Variants in MARCHF11 observed in about 807,000 individuals in gnomAD.
MARCHF11 encodes the protein membrane associated ring-CH-type finger 11.
In MARCHF11, 29 loss-of-function variants were observed where a neutral mutation model predicts 37.3. The observed-to-expected ratio is 0.78, with a 90% CI of 0.58 to 1.06. The LOEUF is 1.06. Ranked by LOEUF, MARCHF11 falls within the 50% of genes least tolerant of loss-of-function variation. MARCHF11 has a pLI of 0.00. For missense variants in MARCHF11, 482 were observed against 533.4 expected (o/e 0.90, Z 0.95); for synonymous variants, 233 against 228.0 (o/e 1.02, Z -0.20).
chr5:16,176,097 T>A (rs1186856529), intron 2 of MARCHF11, among the ~76,000 whole-genome samples: 1 of 68,224 alleles, frequency 1.5e-5, no homozygotes, highest in African/African-American at 7.4e-5. Flanking sequence ...GTAAATAGTA[T>A]TTTTTTTTTT....
At chr5:16,129,157 T>C (rs1441016836) in intron 2 of MARCHF11, 3 of 152,222 alleles carry the variant, frequency 2.0e-5, no homozygotes, top group African/African-American at 4.8e-5. Context: ...TCGTTCACTG[T>C]AGTTCATGCC....
intron 2 of MARCHF11, among the ~76,000 whole-genome samples, chr5:16,141,776 A>C (rs34667413): frequency 6.6e-6 from 1 of 152,202 alleles, no homozygotes; most frequent in Non-Finnish European, 1.5e-5. Context: ...AAAAACAAAA[A>C]CAAAAAACAC....
intron 2 of MARCHF11, among the ~76,000 whole-genome samples, chr5:16,150,688 A>G (rs1737875273): frequency 6.6e-6 from 1 of 151,748 alleles, no homozygotes; most frequent in South Asian, 2.1e-4. Flanking sequence ...CATGCCCTCC[A>G]CCTCTATTCC....
chr5:16,147,594 A>G (rs773495437), intron 2 of MARCHF11, among the ~76,000 whole-genome samples: 4 of 152,120 alleles, frequency 2.6e-5, no homozygotes, highest in Non-Finnish European at 5.9e-5. Flanking sequence ...CTCCTCTATG[A>G]GTAAAGAGGC....
At chr5:16,143,960 GT>G (rs1438633083) in intron 2 of MARCHF11, among the ~76,000 whole-genome samples, 1 of 152,182 alleles carries the variant, frequency 6.6e-6, no homozygotes. Context: ...GTCCCTAGCC[GT>G]GATGATGCTC....
At chr5:16,157,088 A>G (rs532328531) in intron 2 of MARCHF11, among the ~76,000 whole-genome samples, 1 of 152,050 alleles carries the variant, frequency 6.6e-6, no homozygotes, top group South Asian at 2.1e-4. Flanking sequence ...TTTGAAAAGA[A>G]ATCAATAAAA....
intron 2 of MARCHF11, among the ~76,000 whole-genome samples, chr5:16,113,073 C>T (rs1419910113): frequency 6.6e-6 from 1 of 152,062 alleles, no homozygotes; most frequent in Non-Finnish European, 1.5e-5. Context: ...TTATGGTACT[C>T]ATGATAGGAA....
At chr5:16,078,930 C>T (rs1259757045) in intron 3 of MARCHF11, among the ~76,000 whole-genome samples, 1 of 152,074 alleles carries the variant, frequency 6.6e-6, no homozygotes, top group East Asian at 1.9e-4. Flanking sequence ...TTCCTACAGC[C>T]TCTCTTCTGG....
chr5:16,082,994 C>T (rs1249076271), intron 3 of MARCHF11, among the ~76,000 whole-genome samples: 2 of 152,292 alleles, frequency 1.3e-5, no homozygotes, highest in African/African-American at 4.8e-5. Context: ...TCCTCAGTGA[C>T]CCCAGGAGCT....
chr5:16,140,776 TTAGTAAGTACAAGGAGAGAAATA>T (rs1209581338), intron 2 of MARCHF11, among the ~76,000 whole-genome samples: 2 of 152,180 alleles, frequency 1.3e-5, no homozygotes, highest in African/African-American at 4.8e-5. Flanking sequence ...ATTATTCATA[TTAGTAAGTACAAGGAGAGAAATA>T]TTTTCTCCAT....
chr5:16,170,646 T>A (rs1014762393), intron 2 of MARCHF11, among the ~76,000 whole-genome samples: 7 of 152,124 alleles, frequency 4.6e-5, no homozygotes, highest in African/African-American at 1.7e-4. Flanking sequence ...CAGGTATGCA[T>A]CTATTAATTC....
At chr5:16,092,484 C>T (rs929656303) in intron 2 of MARCHF11, among the ~76,000 whole-genome samples, 3 of 152,046 alleles carry the variant, frequency 2.0e-5, no homozygotes, top group African/African-American at 4.8e-5. Context: ...TGTGCTTTTA[C>T]AATTCCGAAT....
At chr5:16,156,368 T>C (rs1737977633) in intron 2 of MARCHF11, among the ~76,000 whole-genome samples, 1 of 151,940 alleles carries the variant, frequency 6.6e-6, no homozygotes, top group Non-Finnish European at 1.5e-5. Context: ...CATCCATACA[T>C]AGTTAGCACC....
At chr5:16,161,286 A>G (rs1350485800) in intron 2 of MARCHF11, among the ~76,000 whole-genome samples, 2 of 150,212 alleles carry the variant, frequency 1.3e-5, no homozygotes, top group East Asian at 4.0e-4. Flanking sequence ...CAAGGCCTCC[A>G]TGGAGAGTAC....
intron 3 of MARCHF11, among the ~76,000 whole-genome samples, chr5:16,080,457 A>T (rs932315856): frequency 6.6e-6 from 1 of 152,048 alleles, no homozygotes; most frequent in South Asian, 2.1e-4. Flanking sequence ...TCCAGTTCCA[A>T]CCTCTAGCCT....
intron 2 of MARCHF11, among the ~76,000 whole-genome samples, chr5:16,173,181 G>C (rs142711552): frequency 6.6e-5 from 10 of 152,118 alleles, no homozygotes; most frequent in African/African-American, 9.7e-5. Context: ...GCAGGCCTTC[G>C]GTGCTCCAAG....
chr5:16,139,124 C>A (rs187089576), intron 2 of MARCHF11, among the ~76,000 whole-genome samples: 1 of 152,248 alleles, frequency 6.6e-6, no homozygotes, highest in Non-Finnish European at 1.5e-5. Flanking sequence ...AATGATATGG[C>A]TTGGCTATGT....
At chr5:16,085,347 C>A (rs779791996) in intron 3 of MARCHF11, among the ~76,000 whole-genome samples, 2 of 151,954 alleles carry the variant, frequency 1.3e-5, no homozygotes, top group African/African-American at 4.8e-5. Context: ...CGCATCCCTG[C>A]GATCCCAAAA....
chr5:16,134,171 G>T (rs1425901797), intron 2 of MARCHF11, among the ~76,000 whole-genome samples: 1 of 152,130 alleles, frequency 6.6e-6, no homozygotes, highest in Non-Finnish European at 1.5e-5. Context: ...TCATAATACT[G>T]GTGGGAATGT....
Sources: allele counts gnomAD v4.1 joint callset (sites outside exome capture counted in the v4.1 genomes callset), GRCh38; gene constraint gnomAD v4.1.1; transcripts MANE v1.5; gene names NCBI Gene and HGNC (gene_info 2026-07-23, HGNC 2026-07-21).